The following HPCA variants were observed in gnomAD, a reference collection of about 807,000 sequenced individuals.
HPCA encodes the protein hippocalcin.
In HPCA, 4 loss-of-function variants were observed where a neutral mutation model predicts 18.2. The ratio of observed to expected loss-of-function variants is 0.22; its 90% CI spans 0.11 to 0.50. The LOEUF (loss-of-function observed/expected upper bound fraction) is 0.50. Among genes scored for constraint, HPCA ranks in the 20% least tolerant of loss-of-function variants. The pLI is 0.97. For missense variants in HPCA, 161 were observed against 265.8 expected (o/e 0.61, Z 2.74); for synonymous variants, 93 against 103.5 (o/e 0.90, Z 0.61).
Position 32,889,228 on chromosome 1 carries a change from G to A in HPCA, c.330G>A (p.Leu110=), listed in dbSNP as rs11554956. 6.2e-7 allele frequency: 1 copy of A among 1,614,210 alleles called. No individual in the cohort carries two copies. Among genetic ancestry groups the A allele is most frequent in the East Asian group, 2.2e-5 (1 of 44,880 alleles). ...TGTGGGCCTTCAGCATGTATGACCT[G>A]GACGGCAACGGCTACATCAGCCGGG... ...KLMWAFSMYD[L]DGNGYISREE... Residue 110 remains leucine, a synonymous_variant, in exon 2 of 4, where the codon CTG becomes CTA. Transcript: ENST00000373467. The surrounding 1 kb of genome is among the most constrained non-coding windows in gnomAD (Gnocchi z 4.6).
chr1:32,893,585 A>C lies in HPCA; in HGVS notation c.440A>C (p.Lys147Thr). The change falls in exon 3 of 4, where the codon AAG becomes ACG. Residue 147 changes from lysine to threonine, a missense_variant. Physicochemically the swap from Lys to Thr is moderately conservative, Grantham distance 78. Coordinates refer to ENST00000373467, the MANE Select transcript of HPCA (RefSeq NM_002143.3). The surrounding 1 kb of genome is among the most constrained non-coding windows in gnomAD (Gnocchi z 7.5). ...CCGGAGGACGAGTCGACCCCGGAAA[A>C]GAGGACTGAGAAAATCTTCCGCCAA... ...KMPEDESTPE[K>T]RTEKIFRQMD... 6.2e-7 allele frequency: 1 copy of C among 1,613,380 alleles called. No homozygotes were observed. Among genetic ancestry groups the C allele is most frequent in the Non-Finnish European group, 8.5e-7 (1 of 1,179,688 alleles).
chr1:32,893,739 C>T lies in HPCA; in HGVS notation c.485-26C>T, dbSNP rs530708981. On this transcript the variant is annotated intron_variant, in intron 3 of 3. Coordinates refer to ENST00000373467, the MANE Select transcript of HPCA (RefSeq NM_002143.3). The surrounding 1 kb of genome is among the most constrained non-coding windows in gnomAD (Gnocchi z 7.5). ...CCTCGCTAGGCTGCCGCCTCCTCCC[C>T]CATCACCGCTCCCCTCGCCCTGCAG... 1,372 of 1,558,450 alleles carry T rather than the reference C, an allele frequency of 8.8e-4. 20 individuals are homozygous for T. The South Asian group carries it at 0.015, about 17-fold the overall frequency.
At chr1:32,886,198 T>C (rs1641359089), upstream of HPCA, 4 of 152,024 alleles carry the variant, frequency 2.6e-5, no homozygotes, top group African/African-American at 9.7e-5. The surrounding 1 kb of genome is among the most constrained non-coding windows in gnomAD (Gnocchi z 7.0). Context: ...GGCACTACCG[T>C]GTCCCTCCAT....
At position 32,889,264 on chromosome 1, in the gene HPCA, G is replaced by C. The variant is rs141008262; in HGVS notation, c.366G>C (p.Leu122=). 2.5e-6 allele frequency: 4 copies of C among 1,612,096 alleles called. No individual in the cohort carries two copies. Among genetic ancestry groups the C allele is most frequent in the Non-Finnish European group, 8.5e-7 (1 of 1,178,406 alleles). The change falls in exon 2 of 4, where the codon CTG becomes CTC. Residue 122 remains leucine, a synonymous_variant. Transcript: ENST00000373467. This position sits in a 1 kb window ranked among gnomAD's most constrained non-coding sequence, Gnocchi z 4.6. ...GCTACATCAGCCGGGAGGAGATGCT[G>C]GAGATCGTGCAGGTGGGCCCCTGGG... is the stretch of plus-strand genomic sequence containing the variant. ...GNGYISREEM[L]EIVQAIYKMV...
At position 32,886,667 on chromosome 1, in the gene HPCA, GC is replaced by G. The variant is rs1363132408; in HGVS notation, c.-22+153del. Among the ~76,000 whole-genome samples, 10 of 152,228 alleles carry G rather than the reference GC, an allele frequency of 6.6e-5. No individual in the cohort carries two copies. Among genetic ancestry groups the G allele is most frequent in the Non-Finnish European group, 1.3e-4 (9 of 67,978 alleles). ...GCGGGGGCGCTGGGGACTGGGAAGC[GC>G]GCGGTGCTCTCCAGGGTCCTGACCG... is the stretch of plus-strand genomic sequence containing the variant. On this transcript the variant is annotated intron_variant, in intron 1 of 3. Coordinates refer to ENST00000373467, the MANE Select transcript of HPCA (RefSeq NM_002143.3). The surrounding 1 kb of genome is among the most constrained non-coding windows in gnomAD (Gnocchi z 7.0).
At chr1:32,892,824 C>T (rs191704934) in intron 2 of HPCA, among the ~76,000 whole-genome samples, 50 of 152,264 alleles carry the variant, frequency 3.3e-4, no homozygotes, top group Admixed American at 1.8e-3. Context: ...GGCTACAGGC[C>T]AAGCCCTACG....
Position 32,893,423 on chromosome 1 carries a change from C to A in HPCA, c.379-101C>A. ...GATTCCCCACTCCACCTTGCCCAGG[C>A]GGGGGCAGCAAACGTCAGAGAGCCC... is the stretch of plus-strand genomic sequence containing the variant. On this transcript the variant is annotated intron_variant, in intron 2 of 3. Transcript: ENST00000373467. This position sits in a 1 kb window ranked among gnomAD's most constrained non-coding sequence, Gnocchi z 7.5. 1 of 786,406 alleles carries A rather than the reference C, an allele frequency of 1.3e-6. No homozygotes were observed. The highest frequency in any genetic ancestry group is 2.1e-6 in the Non-Finnish European group (1 of 466,088). 48.7% of individuals were successfully genotyped at this position (786,406 alleles called of 1,614,324 possible).
rs959269879 is a variant in HPCA at position 32,889,927 on chromosome 1, G to C, written c.378+651G>C. Among the ~76,000 whole-genome samples, 1 of 152,232 alleles carries C rather than the reference G, an allele frequency of 6.6e-6. No individual in the cohort carries two copies. The highest frequency in any genetic ancestry group is 2.4e-5 in the African/African-American group (1 of 41,460). On this transcript the variant is annotated intron_variant, in intron 2 of 3. Coordinates refer to ENST00000373467, the MANE Select transcript of HPCA (RefSeq NM_002143.3). The surrounding 1 kb of genome is among the most constrained non-coding windows in gnomAD (Gnocchi z 4.6). ...TTACACCAGAGGAAACGGATGCTCAGAGAGATAAAGGCACTTGCTTGAGGC... is the reference window on the plus strand; with the variant it reads ...TTACACCAGAGGAAACGGATGCTCACAGAGATAAAGGCACTTGCTTGAGGC...
chr1:32,887,351 C>T (rs983369563), intron 1 of HPCA, among the ~76,000 whole-genome samples: 4 of 152,184 alleles, frequency 2.6e-5, no homozygotes, highest in African/African-American at 9.7e-5. Context: ...TGCATGAGCA[C>T]ATGCACTCAC....
Position 32,893,656 on chromosome 1 carries a change from G to T in HPCA, c.484+27G>T. On this transcript the variant is annotated intron_variant, in intron 3 of 3. Transcript: ENST00000373467. This position sits in a 1 kb window ranked among gnomAD's most constrained non-coding sequence, Gnocchi z 7.5. Reference sequence around the variant, plus strand: ...TGAGGGGCAGGGGCGGGACGGGGTGGACGGGGCGGGCGCCTTTCCCTCCCT... The same window carrying T: ...TGAGGGGCAGGGGCGGGACGGGGTGTACGGGGCGGGCGCCTTTCCCTCCCT... 1 of 1,493,628 alleles carries T rather than the reference G, an allele frequency of 6.7e-7. No homozygotes were observed. The highest frequency in any genetic ancestry group is 1.1e-5 in the South Asian group (1 of 88,460). The allele number at this position is 1,493,628 out of a possible 1,614,324, so 92.5% of individuals were successfully genotyped here.
intron 2 of HPCA, among the ~76,000 whole-genome samples, chr1:32,892,587 G>GT (rs1181913912): frequency 1.3e-5 from 2 of 152,166 alleles, no homozygotes; most frequent in Non-Finnish European, 2.9e-5. Flanking sequence ...GGCTGGGGAC[G>GT]TAACAGTGGA....
rs1269271000 is a variant in HPCA at position 32,894,480 on chromosome 1, T to C, written c.*618T>C. On this transcript the variant is annotated 3_prime_UTR_variant, in exon 4 of 4. Coordinates refer to ENST00000373467, the MANE Select transcript of HPCA (RefSeq NM_002143.3). ...ACAGGCCCATAGACAGATGGGCAGA[T>C]GCACCCAGAGCCCCATGCACAGTGT... The C allele has an allele frequency of 3.2e-6, 1 of 311,220 alleles. No individual in the cohort carries two copies. The highest frequency in any genetic ancestry group is 6.1e-6 in the Non-Finnish European group (1 of 163,168). The allele number at this position is 311,220 out of a possible 1,614,324, so 19.3% of individuals were successfully genotyped here.
chr1:32,887,580 C>G (rs1410046222), intron 1 of HPCA, among the ~76,000 whole-genome samples: 2 of 152,040 alleles, frequency 1.3e-5, no homozygotes, highest in Admixed American at 6.6e-5. Flanking sequence ...GTTGGGGAGG[C>G]TTGGATGGGC....
At position 32,893,270 on chromosome 1, in the gene HPCA, G is replaced by A. The variant is rs921521332; in HGVS notation, c.379-254G>A. ...CTGCGCCCGCTCGGAGCTTCCACCT[G>A]CGGCGCCTTTGCTCCTTTCCCACCC... On this transcript the variant is annotated intron_variant, in intron 2 of 3. Coordinates refer to ENST00000373467, the MANE Select transcript of HPCA (RefSeq NM_002143.3). The surrounding 1 kb of genome is among the most constrained non-coding windows in gnomAD (Gnocchi z 7.5). 6.6e-6 allele frequency among the ~76,000 whole-genome samples: 1 copy of A among 152,142 alleles called. No individual in the cohort carries two copies. Among genetic ancestry groups the A allele is most frequent in the Non-Finnish European group, 1.5e-5 (1 of 68,018 alleles).
At position 32,894,510 on chromosome 1, in the gene HPCA, C is replaced by T. The variant is rs1193496124; in HGVS notation, c.*648C>T. On this transcript the variant is annotated 3_prime_UTR_variant, in exon 4 of 4. Coordinates refer to ENST00000373467, the MANE Select transcript of HPCA (RefSeq NM_002143.3). Reference sequence around the variant, plus strand: ...CCAGAGCCCCATGCACAGTGTCCTGCGTGGGAAAGAGACACGGTCCCCCTG... The same window carrying T: ...CCAGAGCCCCATGCACAGTGTCCTGTGTGGGAAAGAGACACGGTCCCCCTG... The T allele has an allele frequency of 9.9e-6, 4 of 405,382 alleles. No individual in the cohort carries two copies. The highest frequency in any genetic ancestry group is 1.8e-5 in the Non-Finnish European group (4 of 218,242). 25.1% of individuals were successfully genotyped at this position (405,382 alleles called of 1,614,324 possible). A position where few individuals can be genotyped will look rare whatever the true frequency, so the allele number is the denominator to read the frequency against.
intron 2 of HPCA, among the ~76,000 whole-genome samples, chr1:32,892,999 G>A (rs924564438): frequency 1.3e-5 from 2 of 151,718 alleles, no homozygotes; most frequent in Non-Finnish European, 2.9e-5. Context: ...CGCCCCTCTG[G>A]GCCCAGCTGC....
chr1:32,894,560 T>TC lies in HPCA; in HGVS notation c.*704dup, dbSNP rs2124035336. On this transcript the variant is annotated 3_prime_UTR_variant, in exon 4 of 4. Coordinates refer to ENST00000373467, the MANE Select transcript of HPCA (RefSeq NM_002143.3). Reference sequence around the variant, plus strand: ...GGCTGAGCCCCTGTCCTCCCCTCTGTCCCCCCAACCGCCCCCCCTGCATGC... The same window carrying TC: ...GGCTGAGCCCCTGTCCTCCCCTCTGTCCCCCCCAACCGCCCCCCCTGCATGC... 3 of 482,226 alleles carry TC rather than the reference T, an allele frequency of 6.2e-6. No individual in the cohort carries two copies. Among genetic ancestry groups the TC allele is most frequent in the Non-Finnish European group, 1.1e-5 (3 of 271,862 alleles). The allele number at this position is 482,226 out of a possible 1,614,324, so 29.9% of individuals were successfully genotyped here. A position where few individuals can be genotyped will look rare whatever the true frequency, so the allele number is the denominator to read the frequency against.
intron 1 of HPCA, among the ~76,000 whole-genome samples, chr1:32,887,205 A>C (rs1641385144): frequency 6.6e-6 from 1 of 152,190 alleles, no homozygotes; most frequent in Non-Finnish European, 1.5e-5. Context: ...CGGGTCCTCC[A>C]AATGGCCACA....
chr1:32,894,147 C>T lies in HPCA; in HGVS notation c.*285C>T, dbSNP rs1181249820. The T allele has an allele frequency of 7.1e-6, 3 of 422,344 alleles. No homozygotes were observed. The highest frequency in any genetic ancestry group is 3.8e-5 in the East Asian group (1 of 26,342). 26.2% of individuals were successfully genotyped at this position (422,344 alleles called of 1,614,324 possible). A position where few individuals can be genotyped will look rare whatever the true frequency, so the allele number is the denominator to read the frequency against. On this transcript the variant is annotated 3_prime_UTR_variant, in exon 4 of 4. Transcript: ENST00000373467. ...CCACCCACCAGCCCCAAGGCCCGAC[C>T]CCTCCCCCAAAGGGGCAGTCCCCTT...
Sources: allele counts gnomAD v4.1 joint callset (sites outside exome capture counted in the v4.1 genomes callset), GRCh38; gene constraint gnomAD v4.1.1; non-coding constraint Gnocchi (gnomAD v3.1); transcripts MANE v1.5; gene names NCBI Gene and HGNC (gene_info 2026-07-23, HGNC 2026-07-21).